BBX: variants seen among roughly 807,000 people sequenced by gnomAD.
BBX encodes the protein HMG box transcription factor BBX.
BBX carries 30 observed loss-of-function variants against 100.2 expected under a neutral mutation model. The observed-to-expected ratio is 0.30, with a 90% CI of 0.22 to 0.41. The LOEUF is 0.41. Among genes scored for constraint, BBX ranks in the 10% least tolerant of loss-of-function variants. The pLI, the probability that BBX is intolerant of heterozygous loss-of-function variation, is 1.00. For synonymous variants in BBX, 376 were observed against 388.1 expected, an observed-to-expected ratio of 0.97 and a Z score of 0.37; for missense variants, 1,023 against 1,129.8, an observed-to-expected ratio of 0.91 and a Z score of 1.35.
At chr3:107,668,571 G>T (rs1051478876) in intron 3 of BBX, among the ~76,000 whole-genome samples, 28 of 152,164 alleles carry the variant, frequency 1.8e-4, no homozygotes, top group African/African-American at 6.3e-4. Flanking sequence ...ACCTAAGAAA[G>T]TTCATGCTCT....
At chr3:107,567,470 G>GTTA (rs1055583041) in intron 2 of BBX, among the ~76,000 whole-genome samples, 2 of 152,048 alleles carry the variant, frequency 1.3e-5, no homozygotes, top group Non-Finnish European at 2.9e-5. Flanking sequence ...CTTGTGGAAG[G>GTTA]TTATTCTTTT....
At chr3:107,725,023 A>G (rs2062816728) in intron 5 of BBX, among the ~76,000 whole-genome samples, 1 of 152,130 alleles carries the variant, frequency 6.6e-6, no homozygotes, top group Non-Finnish European at 1.5e-5. Context: ...CACGATATTG[A>G]TTATTCCTAC....
chr3:107,690,257 A>G (rs13084588), intron 3 of BBX, among the ~76,000 whole-genome samples: 17,235 of 152,148 alleles, frequency 0.11, 1,160 homozygotes, highest in Non-Finnish European at 0.15. Context: ...CACTTTTAGC[A>G]TATAGTCTCT....
intron 3 of BBX, among the ~76,000 whole-genome samples, chr3:107,665,167 TGG>T (rs2058674555): frequency 6.6e-6 from 1 of 152,214 alleles, no homozygotes; most frequent in East Asian, 1.9e-4. Flanking sequence ...ACTTATTCAA[TGG>T]GTATTTATTG....
At chr3:107,604,308 G>C (rs1035580087) in intron 2 of BBX, among the ~76,000 whole-genome samples, 2 of 152,096 alleles carry the variant, frequency 1.3e-5, no homozygotes, top group Non-Finnish European at 2.9e-5. Context: ...GAACTCTTCT[G>C]TCACAGAGCA....
At chr3:107,653,940 G>A (rs917487078) in intron 3 of BBX, among the ~76,000 whole-genome samples, 1 of 152,148 alleles carries the variant, frequency 6.6e-6, no homozygotes, top group African/African-American at 2.4e-5. Flanking sequence ...TCCATGTGCA[G>A]AGTAGTATAT....
intron 2 of BBX, among the ~76,000 whole-genome samples, chr3:107,554,957 A>G (rs539830200): frequency 6.7e-6 from 1 of 150,348 alleles, no homozygotes; most frequent in South Asian, 2.1e-4. Context: ...AATTCCAGCT[A>G]CTCGGGAGGC....
intron 2 of BBX, among the ~76,000 whole-genome samples, chr3:107,614,210 A>G (rs1356484318): frequency 6.6e-6 from 1 of 152,026 alleles, no homozygotes; most frequent in Non-Finnish European, 1.5e-5. Context: ...TCGGCCTCCC[A>G]AAGTGCTGGG....
chr3:107,757,953 C>T (rs2065616027), intron 10 of BBX, among the ~76,000 whole-genome samples: 1 of 152,166 alleles, frequency 6.6e-6, no homozygotes, highest in African/African-American at 2.4e-5. Context: ...CTCGGGATTT[C>T]TAAAGAGATA....
chr3:107,679,782 T>C (rs752393607), intron 3 of BBX, among the ~76,000 whole-genome samples: 2 of 152,182 alleles, frequency 1.3e-5, no homozygotes, highest in Non-Finnish European at 2.9e-5. Flanking sequence ...GCCCCTCTCA[T>C]CTTGATGTCG....
intron 2 of BBX, among the ~76,000 whole-genome samples, chr3:107,623,032 A>G (rs971676151): frequency 2.6e-5 from 4 of 152,214 alleles, no homozygotes; most frequent in Admixed American, 1.3e-4. Context: ...GATCAGATCC[A>G]TGCTTGTGTA....
intron 2 of BBX, among the ~76,000 whole-genome samples, chr3:107,620,494 GA>G (rs1350165360): frequency 1.3e-5 from 2 of 152,154 alleles, no homozygotes; most frequent in Non-Finnish European, 2.9e-5. Flanking sequence ...TGAGACTGTG[GA>G]TTTTACTTAA....
intron 2 of BBX, among the ~76,000 whole-genome samples, chr3:107,632,383 C>A (rs1369558348): frequency 6.6e-6 from 1 of 152,016 alleles, no homozygotes; most frequent in Non-Finnish European, 1.5e-5. Context: ...CCACGCCTGG[C>A]CTTAGAAATG....
At chr3:107,754,993 G>A (rs1255828423) in intron 9 of BBX, among the ~76,000 whole-genome samples, 1 of 152,150 alleles carries the variant, frequency 6.6e-6, no homozygotes, top group East Asian at 1.9e-4. Flanking sequence ...CATATGTTAT[G>A]TACTGCAACA....
chr3:107,529,987 A>G (rs768766727), intron 2 of BBX, among the ~76,000 whole-genome samples: 2 of 152,234 alleles, frequency 1.3e-5, no homozygotes, highest in Non-Finnish European at 2.9e-5. Flanking sequence ...TAGACCATGA[A>G]GCATTGATAT....
At chr3:107,785,733 G>T (rs1258170133) in intron 13 of BBX, among the ~76,000 whole-genome samples, 1 of 151,954 alleles carries the variant, frequency 6.6e-6, no homozygotes, top group African/African-American at 2.4e-5. Flanking sequence ...ATACTTAATG[G>T]TAAAATACTG....
intron 3 of BBX, among the ~76,000 whole-genome samples, chr3:107,672,290 C>T (rs192166838): frequency 6.6e-6 from 1 of 152,054 alleles, no homozygotes; most frequent in African/African-American, 2.4e-5. Flanking sequence ...TCACAATCTA[C>T]AAAGTACGTA....
intron 2 of BBX, among the ~76,000 whole-genome samples, chr3:107,590,269 A>G (rs1266530673): frequency 6.6e-6 from 1 of 152,188 alleles, no homozygotes; most frequent in Admixed American, 6.5e-5. Context: ...TTTTATTGAT[A>G]TGTAGTGACT....
intron 13 of BBX, among the ~76,000 whole-genome samples, chr3:107,784,038 G>A (rs2068170371): frequency 6.6e-6 from 1 of 151,920 alleles, no homozygotes; most frequent in Non-Finnish European, 1.5e-5. Flanking sequence ...TGCATTAAGA[G>A]CTTTATTTGT....
Sources: gnomAD v4.1 joint callset for allele counts (sites outside exome capture counted in the v4.1 genomes callset) on GRCh38, gnomAD v4.1.1 for gene constraint, MANE v1.5 for transcripts, NCBI Gene and HGNC (gene_info 2026-07-23, HGNC 2026-07-21) for gene names.